IMMP2L: variants seen among roughly 807,000 people sequenced by gnomAD.
IMMP2L encodes the protein mitochondrial inner membrane protease subunit 2.
In IMMP2L, 18 loss-of-function variants were observed where a neutral mutation model predicts 19.3. That is an observed-to-expected ratio of 0.93 (90% CI 0.64 to 1.38). IMMP2L has a LOEUF of 1.38. IMMP2L is among the 40% of genes most tolerant of loss of function. The pLI, the probability that IMMP2L is intolerant of heterozygous loss-of-function variation, is 0.00. For synonymous variants in IMMP2L, 76 were observed against 73.0 expected (o/e 1.04, Z -0.21); for missense variants, 233 against 218.2 (o/e 1.07, Z -0.43).
At chr7:111,179,034 T>G (rs1179838249) in intron 3 of IMMP2L, among the ~76,000 whole-genome samples, 8 of 152,058 alleles carry the variant, frequency 5.3e-5, no homozygotes, top group Admixed American at 1.3e-4. Context: ...CCTTACAAAA[T>G]GTACTTCTTA....
chr7:111,452,967 AG>A (rs1839350707), intron 3 of IMMP2L, among the ~76,000 whole-genome samples: 1 of 152,194 alleles, frequency 6.6e-6, no homozygotes, highest in Non-Finnish European at 1.5e-5. Context: ...TCAAATACCT[AG>A]AACAGTGTCT....
chr7:111,549,435 T>A (rs1046593792), intron 1 of IMMP2L, among the ~76,000 whole-genome samples: 1 of 152,206 alleles, frequency 6.6e-6, no homozygotes, highest in Non-Finnish European at 1.5e-5. Context: ...ATAAAGATCT[T>A]ACATATCCTT....
chr7:110,894,082 C>T lies in IMMP2L; in HGVS notation c.306-7387G>A, dbSNP rs181827267. Among the ~76,000 whole-genome samples the T allele has an allele frequency of 5.3e-3, 800 of 152,214 alleles. 7 individuals carry two copies. Among genetic ancestry groups the T allele is most frequent in the Non-Finnish European group, 8.9e-3 (604 of 68,014 alleles). ...TCTACCCACCTTGGTGCCAACCAGA[C>T]CACCTGACAGGTAAGACATCCGAAG... On this transcript the variant is annotated intron_variant, in intron 4 of 5. Coordinates refer to ENST00000405709, the MANE Select transcript of IMMP2L (RefSeq NM_032549.4).
At chr7:111,157,401 A>G (rs1244694804) in intron 3 of IMMP2L, among the ~76,000 whole-genome samples, 2 of 152,144 alleles carry the variant, frequency 1.3e-5, no homozygotes, top group South Asian at 2.1e-4. Flanking sequence ...GCCATAAAAA[A>G]TAATAAGATC....
intron 3 of IMMP2L, among the ~76,000 whole-genome samples, chr7:111,087,256 T>C (rs1796424072): frequency 6.6e-6 from 1 of 152,010 alleles, no homozygotes; most frequent in Non-Finnish European, 1.5e-5. Flanking sequence ...GAGACCATCA[T>C]GGATAACATG....
intron 5 of IMMP2L, among the ~76,000 whole-genome samples, chr7:110,782,514 T>C (rs528755154): frequency 2.6e-4 from 40 of 152,032 alleles, no homozygotes; most frequent in African/African-American, 9.4e-4. Context: ...ACCACATTAG[T>C]CCTTTTTAAG....
chr7:110,735,349 T>C (rs1255378507), intron 5 of IMMP2L, among the ~76,000 whole-genome samples: 1 of 152,082 alleles, frequency 6.6e-6, no homozygotes, highest in Non-Finnish European at 1.5e-5. Context: ...AGCAGAGAGC[T>C]ATTCTCTTTC....
chr7:110,666,313 C>A (rs978491334), intron 5 of IMMP2L, among the ~76,000 whole-genome samples: 4 of 152,108 alleles, frequency 2.6e-5, no homozygotes, highest in African/African-American at 9.7e-5. Context: ...CTCACTCTGT[C>A]GCCCAGGCTG....
At chr7:110,917,257 C>T (rs950922339) in intron 4 of IMMP2L, among the ~76,000 whole-genome samples, 40 of 152,298 alleles carry the variant, frequency 2.6e-4, no homozygotes, top group African/African-American at 9.4e-4. Context: ...CAATACCAGA[C>T]TTGTGGCCTC....
intron 3 of IMMP2L, among the ~76,000 whole-genome samples, chr7:111,180,620 G>A (rs1807598899): frequency 4.6e-5 from 7 of 152,046 alleles, no homozygotes. Flanking sequence ...GAAAACTGGT[G>A]ATGACAGACT....
intron 1 of IMMP2L, among the ~76,000 whole-genome samples, chr7:111,556,074 T>C (rs1407550698): frequency 8.2e-6 from 1 of 121,886 alleles, no homozygotes; most frequent in Non-Finnish European, 1.7e-5. Context: ...CTTGTAAAGA[T>C]ATCAGTCGGA....
At chr7:110,766,034 G>A (rs776156208) in intron 5 of IMMP2L, among the ~76,000 whole-genome samples, 13 of 152,058 alleles carry the variant, frequency 8.5e-5, no homozygotes, top group Admixed American at 3.3e-4. Context: ...CAGAAATTCC[G>A]TATCATGTGG....
chr7:110,869,425 C>T (rs1808321198), intron 5 of IMMP2L, among the ~76,000 whole-genome samples: 1 of 152,128 alleles, frequency 6.6e-6, no homozygotes, highest in African/African-American at 2.4e-5. Flanking sequence ...TCCACTATAT[C>T]CACCTAATCA....
intron 5 of IMMP2L, among the ~76,000 whole-genome samples, chr7:110,717,509 A>C (rs761540993): frequency 6.6e-6 from 1 of 152,164 alleles, no homozygotes; most frequent in African/African-American, 2.4e-5. Flanking sequence ...CTCAAAGTGT[A>C]AGCACCCAAA....
Position 110,889,070 on chromosome 7 carries a change from C to T in IMMP2L, c.306-2375G>A, listed in dbSNP as rs184547852. 2.0e-5 allele frequency among the ~76,000 whole-genome samples: 3 copies of T among 152,294 alleles called. No homozygotes were observed. In the East Asian group the frequency reaches 5.8e-4, roughly 29 times the overall value. On this transcript the variant is annotated intron_variant, in intron 4 of 5. Coordinates refer to ENST00000405709, the MANE Select transcript of IMMP2L (RefSeq NM_032549.4). ...CTCACAAGTAATCTTTTGCAAGTTA[C>T]TTAGAGTTTCTACCTCTATTTGCCC...
At chr7:111,210,589 T>C (rs558881836) in intron 3 of IMMP2L, among the ~76,000 whole-genome samples, 3 of 152,100 alleles carry the variant, frequency 2.0e-5, no homozygotes, top group African/African-American at 4.8e-5. Context: ...TTAAGTATGA[T>C]ACATTTTGAA....
At chr7:111,296,600 A>C (rs1043542392) in intron 3 of IMMP2L, among the ~76,000 whole-genome samples, 8 of 151,992 alleles carry the variant, frequency 5.3e-5, no homozygotes, top group African/African-American at 1.9e-4. Flanking sequence ...GCCACCCCAG[A>C]GAATAGTTAG....
In IMMP2L at chr7:111,007,782, CA is replaced by C. The variant is rs535780474; in HGVS notation, c.240-44218del. 5.5e-3 allele frequency among the ~76,000 whole-genome samples: 836 copies of C among 152,040 alleles called. 5 individuals carry two copies. The highest frequency in any genetic ancestry group is 0.023 in the South Asian group (109 of 4,824). Reference sequence around the variant, plus strand: ...ATTCAATCCAAACTTCTCTAAATTTCAAACTGACATCCTACTGCCTACCTGT... The same window carrying C: ...ATTCAATCCAAACTTCTCTAAATTTCAACTGACATCCTACTGCCTACCTGT... On this transcript the variant is annotated intron_variant, in intron 3 of 5. Transcript: ENST00000405709.
chr7:110,922,604 TA>T (rs1287483879), intron 4 of IMMP2L, among the ~76,000 whole-genome samples: 1 of 152,154 alleles, frequency 6.6e-6, no homozygotes, highest in Non-Finnish European at 1.5e-5. Context: ...CTTAAAGCCT[TA>T]AAATATTGTT....
Sources: allele counts gnomAD v4.1 joint callset (sites outside exome capture counted in the v4.1 genomes callset), GRCh38; gene constraint gnomAD v4.1.1; transcripts MANE v1.5; gene names NCBI Gene and HGNC (gene_info 2026-07-23, HGNC 2026-07-21).